The following MYO1B variants were observed in gnomAD, a reference collection of about 807,000 sequenced individuals.
MYO1B encodes unconventional myosin-Ib.
A neutral mutation model predicts 159.7 loss-of-function variants in MYO1B; 72 were observed. That is an observed-to-expected ratio of 0.45 (90% CI 0.37 to 0.55). MYO1B has a LOEUF of 0.55. Ranked by LOEUF, MYO1B falls within the 20% of genes least tolerant of loss-of-function variation. The pLI, the probability that MYO1B is intolerant of heterozygous loss-of-function variation, is 0.00. For missense variants in MYO1B, 1,062 were observed against 1,364.8 expected (o/e 0.78, Z 3.50); for synonymous variants, 468 against 473.8 (o/e 0.99, Z 0.16).
At chr2:191,297,606 T>C (rs1449898691) in intron 3 of MYO1B, among the ~76,000 whole-genome samples, 1 of 152,192 alleles carries the variant, frequency 6.6e-6, no homozygotes, top group Non-Finnish European at 1.5e-5. Flanking sequence ...TACATGTGCA[T>C]GTAGATATTG....
chr2:191,263,304 C>G (rs1015203786), intron 1 of MYO1B: 3 of 984,458 alleles, frequency 3.0e-6, no homozygotes, highest in African/African-American at 1.7e-5. Context: ...CCTGTCACAA[C>G]GAATGTTTGT....
chr2:191,360,042 A>G (rs978865774), intron 7 of MYO1B, among the ~76,000 whole-genome samples: 3 of 152,196 alleles, frequency 2.0e-5, no homozygotes, highest in East Asian at 1.9e-4. Flanking sequence ...CACAAACTCT[A>G]CGTTGCTTCT....
chr2:191,398,905 C>T (rs967680265), intron 21 of MYO1B, among the ~76,000 whole-genome samples: 1 of 152,184 alleles, frequency 6.6e-6, no homozygotes, highest in African/African-American at 2.4e-5. Flanking sequence ...TTTGGGAGGC[C>T]AAGGCAGGCG....
At chr2:191,246,597 T>A (rs1475707007) in intron 1 of MYO1B, among the ~76,000 whole-genome samples, 1 of 149,944 alleles carries the variant, frequency 6.7e-6, no homozygotes, top group East Asian at 2.0e-4. Context: ...TGCTATGAAC[T>A]ATGGTATTGG....
chr2:191,395,736 AC>A (rs1696032519), intron 20 of MYO1B, among the ~76,000 whole-genome samples: 1 of 152,118 alleles, frequency 6.6e-6, no homozygotes, highest in Non-Finnish European at 1.5e-5. Flanking sequence ...CCTGGAAGTA[AC>A]CTCTGCTGCC....
chr2:191,347,845 G>A (rs912191028), intron 6 of MYO1B, among the ~76,000 whole-genome samples: 1 of 152,102 alleles, frequency 6.6e-6, no homozygotes, highest in African/African-American at 2.4e-5. Context: ...CTTGTACTCC[G>A]GGGAAATTGC....
chr2:191,373,350 C>T (rs1024727303), intron 13 of MYO1B, among the ~76,000 whole-genome samples: 1 of 152,126 alleles, frequency 6.6e-6, no homozygotes, highest in African/African-American at 2.4e-5. Flanking sequence ...TGAGGTGATT[C>T]CAGTGTGCAC....
At chr2:191,398,399 G>A (rs1311422973) in intron 21 of MYO1B, among the ~76,000 whole-genome samples, 13 of 102,588 alleles carry the variant, frequency 1.3e-4, no homozygotes, top group Non-Finnish European at 2.5e-4. Flanking sequence ...TCCCGGACGG[G>A]GCGGCTGGCC....
At chr2:191,335,408 G>A (rs946985638) in intron 4 of MYO1B, among the ~76,000 whole-genome samples, 2 of 152,108 alleles carry the variant, frequency 1.3e-5, no homozygotes, top group African/African-American at 2.4e-5. Context: ...AATATTGTGT[G>A]TTGTTTAAAG....
intron 7 of MYO1B, among the ~76,000 whole-genome samples, chr2:191,355,005 A>C (rs1287264606): frequency 6.6e-6 from 1 of 152,136 alleles, no homozygotes; most frequent in Non-Finnish European, 1.5e-5. Flanking sequence ...CTTGACTGGG[A>C]GATTTATTTT....
chr2:191,419,305 G>A (rs113459527), intron 30 of MYO1B, among the ~76,000 whole-genome samples: 4,158 of 151,704 alleles, frequency 0.027, 68 homozygotes, highest in Middle Eastern at 0.048. Context: ...TGCAAGCTCC[G>A]CCTCCTGGGT....
intron 6 of MYO1B, among the ~76,000 whole-genome samples, chr2:191,346,797 A>C (rs1692598355): frequency 6.6e-6 from 1 of 152,090 alleles, no homozygotes; most frequent in African/African-American, 2.4e-5. Flanking sequence ...AACCAAATCT[A>C]TTTGGTGTTT....
chr2:191,327,417 A>C (rs574119747), intron 3 of MYO1B, among the ~76,000 whole-genome samples: 1 of 152,350 alleles, frequency 6.6e-6, no homozygotes, highest in African/African-American at 2.4e-5. Flanking sequence ...GGGCTTTATA[A>C]ATTTCAAAGT....
intron 3 of MYO1B, among the ~76,000 whole-genome samples, chr2:191,299,975 G>A (rs145392732): frequency 6.6e-6 from 1 of 152,318 alleles, no homozygotes; most frequent in Non-Finnish European, 1.5e-5. Context: ...AATAAGGTAT[G>A]TGGGACACAT....
rs559512879 is a variant in MYO1B at position 191,410,918 on chromosome 2, G to A, written c.2767-148G>A. On this transcript the variant is annotated intron_variant, in intron 26 of 30. Transcript: ENST00000392318. Reference sequence around the variant, plus strand: ...AAGACAAACTTTTTAAAACCCACAAGGGAAAAATGTTTTTGGCCTTTTTTA... The same window carrying A: ...AAGACAAACTTTTTAAAACCCACAAAGGAAAAATGTTTTTGGCCTTTTTTA... The A allele has an allele frequency of 1.3e-5, 7 of 543,836 alleles. No individual in the cohort carries two copies. The Admixed American group carries it at 1.8e-4, about 14-fold the overall frequency. The allele number at this position is 543,836 out of a possible 1,614,324, so 33.7% of individuals were successfully genotyped here.
chr2:191,324,974 G>A (rs1440666373), intron 3 of MYO1B, among the ~76,000 whole-genome samples: 3 of 152,066 alleles, frequency 2.0e-5, no homozygotes, highest in African/African-American at 7.2e-5. Context: ...TATAAGGAAG[G>A]CCAACGTAGT....
Position 191,408,190 on chromosome 2 carries a change from GTAAGT to G in MYO1B, c.2631+3_2631+7del. On this transcript the variant is annotated splice_donor_variant and splice_donor_5th_base_variant and intron_variant, in intron 25 of 30. Coordinates refer to ENST00000392318, the MANE Select transcript of MYO1B (RefSeq NM_001130158.3). LOFTEE classifies it high-confidence loss of function. ...CTATGAGTTTACGCTTCAGAGAATT[GTAAGT>G]TGACACTTTATATCTGTGGATAATC... is the stretch of plus-strand genomic sequence containing the variant. 6.2e-7 allele frequency: 1 copy of G among 1,607,376 alleles called. No homozygotes were observed. Among genetic ancestry groups the G allele is most frequent in the Non-Finnish European group, 8.5e-7 (1 of 1,174,150 alleles).
chr2:191,369,710 A>G (rs2126036218), intron 12 of MYO1B, 82 bp downstream of exon 12: 1 of 1,009,900 alleles, frequency 9.9e-7, no homozygotes, highest in Non-Finnish European at 1.5e-6. Flanking sequence ...GTTTAAATTT[A>G]TAATCAAATA....
chr2:191,287,371 T>TA (rs1688437646), intron 2 of MYO1B, among the ~76,000 whole-genome samples: 1 of 151,854 alleles, frequency 6.6e-6, no homozygotes. Flanking sequence ...CTACTAAAAA[T>TA]ACAAAAAAAT....
Sources: gnomAD v4.1 joint callset for allele counts (sites outside exome capture counted in the v4.1 genomes callset) on GRCh38, gnomAD v4.1.1 for gene constraint, MANE v1.5 for transcripts, NCBI Gene and HGNC (gene_info 2026-07-23, HGNC 2026-07-21) for gene names.